Variants in NTM observed in about 807,000 individuals in gnomAD.
The protein encoded by NTM is neurotrimin.
NTM carries 13 observed loss-of-function variants against 42.1 expected under a neutral mutation model. That is an observed-to-expected ratio of 0.31 (90% CI 0.20 to 0.49). The LOEUF (loss-of-function observed/expected upper bound fraction) is 0.49, where lower values mean the gene tolerates loss of function less well. Ranked by LOEUF, NTM falls within the 20% of genes least tolerant of loss-of-function variation. The pLI, the probability that NTM is intolerant of heterozygous loss-of-function variation, is 0.99. For missense variants in NTM, 373 were observed against 452.8 expected, an observed-to-expected ratio of 0.82 and a Z score of 1.60; for synonymous variants, 187 against 179.2, an observed-to-expected ratio of 1.04 and a Z score of -0.35.
intron 1 of NTM, among the ~76,000 whole-genome samples, chr11:131,659,590 G>C (rs548238975): frequency 1.3e-5 from 2 of 152,316 alleles, no homozygotes; most frequent in Admixed American, 6.5e-5. Context: ...TCTGAAGTAC[G>C]GTGTTTTAGT....
At chr11:131,775,200 C>T (rs1030290168) in intron 1 of NTM, among the ~76,000 whole-genome samples, 3 of 152,184 alleles carry the variant, frequency 2.0e-5, no homozygotes, top group East Asian at 1.9e-4. Context: ...TTCAGAAAAA[C>T]GATGCCTGTC....
chr11:131,514,360 G>A (rs191804507), intron 1 of NTM, among the ~76,000 whole-genome samples: 17 of 152,224 alleles, frequency 1.1e-4, no homozygotes, highest in South Asian at 2.1e-4. Flanking sequence ...CGTAATGGCC[G>A]TCAAGTGACA....
intron 2 of NTM, among the ~76,000 whole-genome samples, chr11:132,095,660 TCCCCCAGCCATCCTTG>T (rs899049202): frequency 4.6e-5 from 7 of 152,192 alleles, no homozygotes; most frequent in Admixed American, 3.9e-4. Context: ...CAGGACTCCA[TCCCCCAGCCATCCTTG>T]TGTCTAGGCG....
At chr11:131,576,881 C>A (rs911517385) in intron 1 of NTM, among the ~76,000 whole-genome samples, 3 of 152,134 alleles carry the variant, frequency 2.0e-5, no homozygotes, top group Non-Finnish European at 4.4e-5. Context: ...AAATGTGGTG[C>A]AATAATATCA....
intron 1 of NTM, among the ~76,000 whole-genome samples, chr11:131,686,711 C>T (rs1318818992): frequency 6.6e-6 from 1 of 152,204 alleles, no homozygotes; most frequent in Non-Finnish European, 1.5e-5. Context: ...CCTCTATGTG[C>T]CCCTCATGGC....
intron 1 of NTM, among the ~76,000 whole-genome samples, chr11:131,598,754 TCTTCTTTCTTTTTTTCTTTCTTTC>T (rs2060098327): frequency 5.6e-5 from 3 of 53,858 alleles, no homozygotes; most frequent in African/African-American, 2.0e-4. Context: ...TTTCTTTCTT[TCTTCTTTCTTTTTTTCTTTCTTTC>T]TTTCTTCTTT....
rs575010992 is a variant in NTM at position 132,325,774 on chromosome 11, C to A, written c.935-4379C>A. ...AAAGACTTGGAACCAACCTAAATTT[C>A]CAACAACAATAGACTGGATTAAGAA... is the stretch of plus-strand genomic sequence containing the variant. On this transcript the variant is annotated intron_variant, in intron 7 of 8. Transcript: ENST00000683400. Among the ~76,000 whole-genome samples the A allele has an allele frequency of 1.4e-4, 21 of 152,302 alleles. No homozygotes were observed. The South Asian group carries it at 4.1e-3, about 30-fold the overall frequency.
intron 1 of NTM, among the ~76,000 whole-genome samples, chr11:131,451,125 GA>G (rs370520788): frequency 7.4e-5 from 11 of 149,230 alleles, no homozygotes; most frequent in South Asian, 4.2e-4. Flanking sequence ...TTCAGAATTA[GA>G]AAAAAAAAGG....
At chr11:131,468,312 C>A (rs996854241) in intron 1 of NTM, among the ~76,000 whole-genome samples, 1 of 152,204 alleles carries the variant, frequency 6.6e-6, no homozygotes, top group Non-Finnish European at 1.5e-5. Context: ...CCGCATGCAG[C>A]CTCACTTGCA....
intron 1 of NTM, among the ~76,000 whole-genome samples, chr11:131,515,321 G>A (rs1383504062): frequency 2.0e-5 from 3 of 152,162 alleles, no homozygotes; most frequent in Non-Finnish European, 2.9e-5. Context: ...TACCTAGAGT[G>A]GTGCCCAGAA....
intron 1 of NTM, among the ~76,000 whole-genome samples, chr11:131,866,024 AC>A (rs1203796701): frequency 7.0e-6 from 1 of 142,680 alleles, no homozygotes. Flanking sequence ...ACACTCTCAC[AC>A]ATGCTACATA....
intron 1 of NTM, among the ~76,000 whole-genome samples, chr11:131,636,231 AGAGTTCC>A (rs1363039020): frequency 1.3e-5 from 2 of 152,200 alleles, no homozygotes; most frequent in Non-Finnish European, 2.9e-5. Context: ...CAGAAAAACT[AGAGTTCC>A]GAATCTGGCT....
At chr11:132,080,387 A>G (rs2058882818) in intron 2 of NTM, among the ~76,000 whole-genome samples, 1 of 152,214 alleles carries the variant, frequency 6.6e-6, no homozygotes, top group Admixed American at 6.5e-5. Context: ...TCTTAGTACC[A>G]AAACTCCATG....
chr11:131,490,646 G>A (rs1388128953), intron 1 of NTM, among the ~76,000 whole-genome samples: 1 of 152,184 alleles, frequency 6.6e-6, no homozygotes, highest in African/African-American at 2.4e-5. Flanking sequence ...CACTTGAACT[G>A]TCTGCTTGCA....
intron 2 of NTM, among the ~76,000 whole-genome samples, chr11:132,065,293 C>G (rs1445687691): frequency 6.6e-6 from 1 of 152,196 alleles, no homozygotes; most frequent in Admixed American, 6.5e-5. Flanking sequence ...CACATACATG[C>G]AACATTTTCC....
At chr11:131,988,747 G>A (rs747207175) in intron 2 of NTM, among the ~76,000 whole-genome samples, 8 of 152,174 alleles carry the variant, frequency 5.3e-5, no homozygotes, top group Non-Finnish European at 1.2e-4. Context: ...TGAATTGATG[G>A]CCAGCAGAGG....
chr11:131,406,491 A>G (rs1945825322), intron 1 of NTM, among the ~76,000 whole-genome samples: 1 of 152,186 alleles, frequency 6.6e-6, no homozygotes, highest in African/African-American at 2.4e-5. Context: ...TCCTCACGGG[A>G]TAAGTTCTAA....
chr11:131,901,969 G>A (rs1012881057), intron 1 of NTM, among the ~76,000 whole-genome samples: 1 of 152,188 alleles, frequency 6.6e-6, no homozygotes, highest in Non-Finnish European at 1.5e-5. Context: ...TTCTTTCTGG[G>A]AGGTGCTGCC....
intron 1 of NTM, among the ~76,000 whole-genome samples, chr11:131,608,024 G>A (rs1192155726): frequency 2.0e-5 from 3 of 152,006 alleles, no homozygotes; most frequent in African/African-American, 7.2e-5. Flanking sequence ...ATTTACATTA[G>A]GTATATCTCC....
Sources: gnomAD v4.1 joint callset for allele counts (sites outside exome capture counted in the v4.1 genomes callset) on GRCh38, gnomAD v4.1.1 for gene constraint, MANE v1.5 for transcripts, NCBI Gene and HGNC (gene_info 2026-07-23, HGNC 2026-07-21) for gene names.